Variants in TEX14 observed in about 807,000 individuals in gnomAD.
TEX14 encodes inactive serine/threonine-protein kinase TEX14.
In TEX14, 168 loss-of-function variants were observed where a neutral mutation model predicts 178.6. The ratio of observed to expected loss-of-function variants is 0.94; its 90% CI spans 0.83 to 1.07. TEX14 has a LOEUF of 1.07. Among genes scored for constraint, TEX14 ranks in the 50% least tolerant of loss-of-function variants. TEX14 has a pLI of 0.00. For synonymous variants in TEX14, 626 were observed against 634.1 expected, an observed-to-expected ratio of 0.99 and a Z score of 0.19; for missense variants, 1,730 against 1,753.6, an observed-to-expected ratio of 0.99 and a Z score of 0.24.
chr17:58,660,091 TAC>T (rs1427071097), intron 1 of TEX14, among the ~76,000 whole-genome samples: 2 of 150,504 alleles, frequency 1.3e-5, no homozygotes, highest in African/African-American at 2.4e-5. Context: ...TCATCTAGGG[TAC>T]AAATACACGC....
chr17:58,627,259 TCTTTAAAGAAATCAG>T, intron 3 of TEX14, among the ~76,000 whole-genome samples: 1 of 152,214 alleles, frequency 6.6e-6, no homozygotes, highest in Non-Finnish European at 1.5e-5. Context: ...AATGGTTTGA[TCTTTAAAGAAATCAG>T]CTTTAAGCCT....
At chr17:58,582,103 T>C (rs2044835962) in intron 19 of TEX14, among the ~76,000 whole-genome samples, 1 of 152,124 alleles carries the variant, frequency 6.6e-6, no homozygotes, top group Non-Finnish European at 1.5e-5. Context: ...ACATAGCCCA[T>C]GTGTTGGCAT....
At chr17:58,625,291 C>T (rs35928756) in intron 3 of TEX14, among the ~76,000 whole-genome samples, 28,152 of 151,908 alleles carry the variant, frequency 0.19, 2,781 homozygotes, top group Non-Finnish European at 0.21. Context: ...TGCCACCATG[C>T]GCTCAGGTAA....
chr17:58,606,343 G>T (rs778737007), intron 10 of TEX14, among the ~76,000 whole-genome samples: 8 of 152,176 alleles, frequency 5.3e-5, no homozygotes, highest in Admixed American at 1.3e-4. Flanking sequence ...GAGGCATTCA[G>T]TCAAGACTTA....
At chr17:58,557,101 GT>G in intron 31 of TEX14, 54 bp from the exon 32 acceptor site, 1 of 1,400,278 alleles carries the variant, frequency 7.1e-7, no homozygotes, top group Non-Finnish European at 1.0e-6. Flanking sequence ...TGGTATGTGT[GT>G]TTTTTAAAGA....
chr17:58,567,158 A>G (rs1247041911), intron 26 of TEX14, among the ~76,000 whole-genome samples: 1 of 152,166 alleles, frequency 6.6e-6, no homozygotes, highest in African/African-American at 2.4e-5. Flanking sequence ...CAAGAGTGAA[A>G]CCCTGTCAAA....
At chr17:58,583,994 A>C (rs183981862) in intron 19 of TEX14, among the ~76,000 whole-genome samples, 16 of 152,334 alleles carry the variant, frequency 1.1e-4, no homozygotes, top group African/African-American at 3.6e-4. Context: ...AGAGTGTGTT[A>C]AAGCCCTGAA....
Position 58,604,999 on chromosome 17 carries a change from T to A in TEX14, c.1315A>T (p.Ile439Phe). 6.2e-7 allele frequency: 1 copy of A among 1,614,168 alleles called. No homozygotes were observed. Among genetic ancestry groups the A allele is most frequent in the Non-Finnish European group, 8.5e-7 (1 of 1,180,010 alleles). Residue 439 changes from isoleucine (I) to phenylalanine (F), a missense_variant, in exon 11 of 32, where the codon ATC (isoleucine) becomes TTC (phenylalanine). Ile to Phe is a conservative substitution (Grantham distance 21). Transcript: ENST00000349033. ...CTACCTGTTAAAATCTCCTGCATGA[T>A]CATAGAAAAGCTGTAGATGTCTGAT... ...VKSDIYSFSM[I>F]MQEILTDDIP...
intron 2 of TEX14, among the ~76,000 whole-genome samples, chr17:58,650,396 A>G (rs1401629817): frequency 1.3e-5 from 2 of 152,104 alleles, no homozygotes; most frequent in East Asian, 3.9e-4. Flanking sequence ...ACATATGTGG[A>G]TATGTTATGG....
At chr17:58,641,520 T>TA (rs61694322) in intron 2 of TEX14, among the ~76,000 whole-genome samples, 1 of 150,248 alleles carries the variant, frequency 6.7e-6, no homozygotes, top group Non-Finnish European at 1.5e-5. Flanking sequence ...TTATTATTAT[T>TA]TGAGATGGAG....
In TEX14 at chr17:58,573,257, G is replaced by A. The variant is rs1237261877; in HGVS notation, c.3435C>T (p.Ser1145=). 1 of 1,613,806 alleles carries A rather than the reference G, an allele frequency of 6.2e-7. No individual in the cohort carries two copies. The highest frequency in any genetic ancestry group is 2.2e-5 in the East Asian group (1 of 44,882). The change falls in exon 23 of 32, where the codon AGC becomes AGT. Residue 1145 remains serine, a synonymous_variant. Transcript: ENST00000349033. The part of the protein sequence containing the change: ...DLSSISYEPD[S]SFKEASCKTP... ...TTTTGCATGAAGCTTCCTTAAAAGA[G>A]CTGTCTGGTTCATAGGAGATACTAG...
intron 22 of TEX14, among the ~76,000 whole-genome samples, chr17:58,573,621 T>G (rs953698778): frequency 5.3e-5 from 8 of 152,046 alleles, no homozygotes; most frequent in Non-Finnish European, 7.4e-5. Flanking sequence ...CGGGTTCAAG[T>G]GATTCTCCTG....
intron 30 of TEX14, among the ~76,000 whole-genome samples, chr17:58,558,978 T>A (rs934147015): frequency 2.0e-5 from 3 of 152,164 alleles, no homozygotes; most frequent in Non-Finnish European, 4.4e-5. Context: ...GAGACCATCC[T>A]GGCCAACCTG....
At chr17:58,568,734 CTG>C (rs2044456868) in intron 26 of TEX14, among the ~76,000 whole-genome samples, 1 of 145,610 alleles carries the variant, frequency 6.9e-6, no homozygotes, top group Non-Finnish European at 1.5e-5. Flanking sequence ...ACTGACTTCC[CTG>C]TTCTTAGGAA....
At chr17:58,580,321 A>G (rs1238188187) in intron 19 of TEX14, among the ~76,000 whole-genome samples, 1 of 151,988 alleles carries the variant, frequency 6.6e-6, no homozygotes, top group African/African-American at 2.4e-5. Context: ...TTATATATAT[A>G]TATTTTTTGA....
chr17:58,589,654 G>A (rs552892280), intron 15 of TEX14, among the ~76,000 whole-genome samples: 10 of 147,668 alleles, frequency 6.8e-5, no homozygotes, highest in African/African-American at 2.5e-4. Context: ...AGAAAGCAGA[G>A]AGACTGCTGA....
Position 58,605,098 on chromosome 17 carries a change from G to C in TEX14, c.1216C>G (p.Arg406Gly), listed in dbSNP as rs753803044. 1 of 1,614,120 alleles carries C rather than the reference G, an allele frequency of 6.2e-7. No individual in the cohort carries two copies. The highest frequency in any genetic ancestry group is 8.5e-7 in the Non-Finnish European group (1 of 1,180,010). The change falls in exon 11 of 32, where the codon CGA becomes GGA. Residue 406 changes from arginine to glycine, a missense_variant. Physicochemically the swap from Arg to Gly is moderately radical, Grantham distance 125. Transcript: ENST00000349033. Reference protein sequence around the residue: ...EDRGVQRDLTRVPLPTQLYNW... With the variant: ...EDRGVQRDLTGVPLPTQLYNW... ...TATAGCTGCGTAGGAAGGGGCACTC[G>C]AGTCAGGTCCCTCTGTACACCTCTG...
intron 2 of TEX14, among the ~76,000 whole-genome samples, chr17:58,646,673 ACTT>A (rs1437739558): frequency 1.3e-5 from 2 of 152,076 alleles, no homozygotes; most frequent in Non-Finnish European, 2.9e-5. Flanking sequence ...CCTAAGCAAC[ACTT>A]CTTCTGAGAA....
At chr17:58,669,303 G>A (rs2047264056) in intron 1 of TEX14, among the ~76,000 whole-genome samples, 1 of 151,428 alleles carries the variant, frequency 6.6e-6, no homozygotes. Flanking sequence ...AGTGAGCCGA[G>A]ATCATGCCAC....
Sources: gnomAD v4.1 joint callset for allele counts (sites outside exome capture counted in the v4.1 genomes callset) on GRCh38, gnomAD v4.1.1 for gene constraint, MANE v1.5 for transcripts, NCBI Gene and HGNC (gene_info 2026-07-23, HGNC 2026-07-21) for gene names.